The following TTC1 variants were observed in gnomAD, a reference collection of about 807,000 sequenced individuals.
The protein encoded by TTC1 is tetratricopeptide repeat domain 1, also known as tetratricopeptide repeat protein 1.
Under a neutral mutation model 37.6 loss-of-function variants are expected in TTC1, and 31 were observed. The ratio of observed to expected loss-of-function variants is 0.82; its 90% confidence interval spans 0.62 to 1.11. TTC1 has a LOEUF of 1.11. Among genes scored for constraint, TTC1 ranks in the 50% most tolerant of loss-of-function variants. TTC1 has a pLI of 0.00. For missense variants in TTC1, 351 were observed against 339.0 expected (o/e 1.04, Z -0.28); for synonymous variants, 127 against 122.4 (o/e 1.04, Z -0.25).
In TTC1 at chr5:160,009,153, T is replaced by C. The variant is rs1024857534; in HGVS notation, c.-70T>C. 1 of 152,316 alleles carries C rather than the reference T, an allele frequency of 6.6e-6. No individual in the cohort carries two copies. 9.4% of individuals were successfully genotyped at this position (152,316 alleles called of 1,614,324 possible). A position where few individuals can be genotyped will look rare whatever the true frequency, so the allele number is the denominator to read the frequency against. ...CCTGACTGAGCGGAAGTAGGAGCTC[T>C]CAGAGGCTAAGAAGGTGGAGACCGG... On this transcript the variant is annotated 5_prime_UTR_variant, in exon 1 of 8. Coordinates refer to ENST00000231238, the MANE Select transcript of TTC1 (RefSeq NM_003314.3).
chr5:160,064,202 C>G (rs1323512044), intron 7 of TTC1, among the ~76,000 whole-genome samples: 1 of 152,124 alleles, frequency 6.6e-6, no homozygotes, highest in East Asian at 1.9e-4. Flanking sequence ...CTCCTGACCT[C>G]AGGTGATCCA....
At chr5:160,023,817 CAG>C (rs1288275916) in intron 2 of TTC1, 6 of 1,613,584 alleles carry the variant, frequency 3.7e-6, no homozygotes, top group East Asian at 2.2e-5. Context: ...GTATCATTCT[CAG>C]AGTCTGAGCT....
chr5:160,028,564 C>A (rs1185154494), intron 2 of TTC1, among the ~76,000 whole-genome samples: 3 of 152,142 alleles, frequency 2.0e-5, no homozygotes, highest in Non-Finnish European at 2.9e-5. Flanking sequence ...GCCTCAACTT[C>A]CTGGGCTCAA....
At chr5:160,041,695 CATG>C (rs1757097839) in intron 4 of TTC1, among the ~76,000 whole-genome samples, 2 of 152,066 alleles carry the variant, frequency 1.3e-5, no homozygotes, top group Non-Finnish European at 2.9e-5. Flanking sequence ...TAGGTTATGC[CATG>C]ATGTTATGAC....
Position 160,065,366 on chromosome 5 carries a change from A to G in TTC1, c.*301A>G. ...TTGAGGCTGACCTTCCTGATCATAC[A>G]CACACACAGCCCAGCAAAAGCCTCT... is the stretch of plus-strand genomic sequence containing the variant. On this transcript the variant is annotated 3_prime_UTR_variant, in exon 8 of 8. Transcript: ENST00000231238. 1 of 519,656 alleles carries G rather than the reference A, an allele frequency of 1.9e-6. No homozygotes were observed. The highest frequency in any genetic ancestry group is 3.7e-6 in the Non-Finnish European group (1 of 269,348). 32.2% of individuals were successfully genotyped at this position (519,656 alleles called of 1,614,324 possible).
At chr5:160,032,411 T>G (rs1756926917) in intron 2 of TTC1, among the ~76,000 whole-genome samples, 1 of 152,224 alleles carries the variant, frequency 6.6e-6, no homozygotes, top group South Asian at 2.1e-4. Flanking sequence ...TTGTCTTGGC[T>G]CTCCAACATC....
intron 5 of TTC1, among the ~76,000 whole-genome samples, chr5:160,045,495 C>T (rs1038291779): frequency 2.6e-5 from 3 of 116,432 alleles, no homozygotes; most frequent in African/African-American, 6.6e-5. Context: ...CACACACACA[C>T]ACACACACAC....
chr5:160,038,659 CTT>C (rs541012506), intron 4 of TTC1, among the ~76,000 whole-genome samples: 1 of 120,182 alleles, frequency 8.3e-6, no homozygotes, highest in Non-Finnish European at 1.8e-5. Context: ...AGTTGCGTTT[CTT>C]TTTTTTTTTT....
At chr5:160,047,038 T>C (rs1345165483) in intron 5 of TTC1, among the ~76,000 whole-genome samples, 2 of 151,960 alleles carry the variant, frequency 1.3e-5, no homozygotes, top group Non-Finnish European at 2.9e-5. Context: ...GCAACAAAAA[T>C]GCAATTAAGG....
At chr5:160,019,679 C>A (rs1756671541) in intron 2 of TTC1, among the ~76,000 whole-genome samples, 1 of 151,334 alleles carries the variant, frequency 6.6e-6, no homozygotes, top group Non-Finnish European at 1.5e-5. Context: ...CCTCCGCCTC[C>A]CGGATTCAAG....
chr5:160,015,919 T>C (rs184084140), intron 2 of TTC1, among the ~76,000 whole-genome samples: 2 of 152,334 alleles, frequency 1.3e-5, no homozygotes, highest in African/African-American at 4.8e-5. Context: ...AATTGAATTA[T>C]AGGACACTCC....
chr5:160,019,831 C>T (rs1477934810), intron 2 of TTC1, among the ~76,000 whole-genome samples: 3 of 151,864 alleles, frequency 2.0e-5, no homozygotes, highest in Non-Finnish European at 2.9e-5. Flanking sequence ...CCACCCACCT[C>T]GGCCTCCCAA....
At chr5:160,039,333 T>C (rs1023435673) in intron 4 of TTC1, 9 of 151,818 alleles carry the variant, frequency 5.9e-5, no homozygotes, top group African/African-American at 1.9e-4. Context: ...CATTGTTTTA[T>C]ATGTATAGTT....
At chr5:160,055,089 G>C (rs1757508651) in intron 7 of TTC1, among the ~76,000 whole-genome samples, 1 of 152,122 alleles carries the variant, frequency 6.6e-6, no homozygotes, top group East Asian at 1.9e-4. Flanking sequence ...GAGGGCAAGA[G>C]GTTTGTACTG....
Position 160,010,779 on chromosome 5 carries a change from A to G in TTC1, c.251A>G (p.Asn84Ser). The G allele has an allele frequency of 6.2e-7, 1 of 1,614,236 alleles. No individual in the cohort carries two copies. The highest frequency in any genetic ancestry group is 8.5e-7 in the Non-Finnish European group (1 of 1,180,050). Residue 84 changes from asparagine to serine, a missense_variant, in exon 2 of 8, where the codon AAT becomes AGT. Coordinates refer to ENST00000231238, the MANE Select transcript of TTC1 (RefSeq NM_003314.3). ...PGADKVENKS[N>S]EDVNSSELDE... ...GCGGACAAGGTTGAGAACAAATCTA[A>G]TGAAGATGTGAATTCCTCTGAACTA...
At chr5:160,015,690 A>C (rs1483383916) in intron 2 of TTC1, among the ~76,000 whole-genome samples, 1 of 152,174 alleles carries the variant, frequency 6.6e-6, no homozygotes, top group Admixed American at 6.5e-5. Flanking sequence ...ATAAACTACT[A>C]AGTGTAAGTA....
At chr5:160,043,941 T>C (rs1206427436) in intron 5 of TTC1, among the ~76,000 whole-genome samples, 1 of 152,160 alleles carries the variant, frequency 6.6e-6, no homozygotes, top group South Asian at 2.1e-4. Flanking sequence ...ACCTCAGACA[T>C]AGGGTCACTA....
At chr5:160,043,557 A>G (rs1171420942) in intron 5 of TTC1, among the ~76,000 whole-genome samples, 1 of 152,148 alleles carries the variant, frequency 6.6e-6, no homozygotes, top group Admixed American at 6.5e-5. Context: ...TATGCCACTT[A>G]CTCCAGCCTG....
chr5:160,021,898 C>T (rs868652232), intron 2 of TTC1, among the ~76,000 whole-genome samples: 1 of 152,140 alleles, frequency 6.6e-6, no homozygotes. Context: ...AAGTATGTAC[C>T]TCTCTTTACG....
Sources: gnomAD v4.1 joint callset for allele counts (sites outside exome capture counted in the v4.1 genomes callset) on GRCh38, gnomAD v4.1.1 for gene constraint, MANE v1.5 for transcripts, NCBI Gene and HGNC (gene_info 2026-07-23, HGNC 2026-07-21) for gene names.